CAMTA1: variants seen among roughly 807,000 people sequenced by gnomAD.
CAMTA1 encodes calmodulin binding transcription activator 1.
A neutral mutation model predicts 170.9 loss-of-function variants in CAMTA1; 27 were observed. The observed-to-expected ratio is 0.16, with a 90% CI of 0.12 to 0.22. The LOEUF is 0.22. Among genes scored for constraint, CAMTA1 ranks in the 10% least tolerant of loss-of-function variants. CAMTA1 has a pLI of 1.00. For synonymous variants in CAMTA1, 833 were observed against 891.5 expected (o/e 0.93, Z 1.17); for missense variants, 1,619 against 2,217.2 (o/e 0.73, Z 5.42).
At chr1:6,906,479 C>T (rs1372219811) in intron 3 of CAMTA1, among the ~76,000 whole-genome samples, 1 of 152,182 alleles carries the variant, frequency 6.6e-6, no homozygotes, top group Non-Finnish European at 1.5e-5. Context: ...GGCTCTACCC[C>T]ACTGACACAG....
At chr1:6,951,464 T>C (rs561225381) in intron 3 of CAMTA1, among the ~76,000 whole-genome samples, 1 of 152,304 alleles carries the variant, frequency 6.6e-6, no homozygotes, top group South Asian at 2.1e-4. Flanking sequence ...CTGGCACATA[T>C]TGGATGCAAC....
At position 7,167,328 on chromosome 1, in the gene CAMTA1, C is replaced by T. The variant is rs141666948; in HGVS notation, c.302+75957C>T. Among the ~76,000 whole-genome samples, 799 of 152,200 alleles carry T rather than the reference C, an allele frequency of 5.2e-3. 8 individuals carry two copies. Among genetic ancestry groups the T allele is most frequent in the African/African-American group, 0.018 (764 of 41,516 alleles). Reference sequence around the variant, plus strand: ...GTGTCCCATGCATTGGATGAGTCATCCTTTCCCCAGTGATGTGCATATGTC... The same window carrying T: ...GTGTCCCATGCATTGGATGAGTCATTCTTTCCCCAGTGATGTGCATATGTC... On this transcript the variant is annotated intron_variant, in intron 4 of 22. Transcript: ENST00000303635.
Position 7,013,898 on chromosome 1 carries a change from C to T in CAMTA1, c.235-77406C>T, listed in dbSNP as rs55812443. Among the ~76,000 whole-genome samples, 609 of 152,346 alleles carry T rather than the reference C, an allele frequency of 4.0e-3. 4 individuals are homozygous for T. Among genetic ancestry groups the T allele is most frequent in the African/African-American group, 0.014 (584 of 41,592 alleles). On this transcript the variant is annotated intron_variant, in intron 3 of 22. Transcript: ENST00000303635. ...TGTGACTCCTCTTCTTCAACCCCAA[C>T]GACAAGCAGCCAGCTGAGAGCCTCC...
At chr1:6,914,068 A>G (rs1162052768) in intron 3 of CAMTA1, among the ~76,000 whole-genome samples, 2 of 148,258 alleles carry the variant, frequency 1.3e-5, no homozygotes, top group Non-Finnish European at 3.0e-5. Context: ...CCTCCCTCAC[A>G]TTAATGTAGG....
intron 4 of CAMTA1, among the ~76,000 whole-genome samples, chr1:7,179,564 C>T (rs1395377439): frequency 6.6e-6 from 1 of 151,972 alleles, no homozygotes. Flanking sequence ...ACTTTCTAAC[C>T]ACGGTGCACT....
In CAMTA1 at chr1:7,398,187, CTCTCTCTATATATATATATATATA is replaced by C. The variant is rs758209111; in HGVS notation, c.439-69641_439-69618del. Among the ~76,000 whole-genome samples the C allele has an allele frequency of 5.7e-3, 218 of 38,194 alleles. 3 individuals carry two copies. The highest frequency in any genetic ancestry group is 0.012 in the Middle Eastern group (1 of 82). The allele number at this position is 38,194 out of a possible 152,430, so 25.1% of individuals were successfully genotyped here. ...TCTCTCTCTCTCTCTCTCTCTCTCTCTCTCTCTATATATATATATATATATATATATATATATATATATATATAT... is the reference window on the plus strand; with the variant it reads ...TCTCTCTCTCTCTCTCTCTCTCTCTCTATATATATATATATATATATATAT... On this transcript the variant is annotated intron_variant, in intron 5 of 22. Transcript: ENST00000303635.
rs145550932 is a variant in CAMTA1 at position 7,677,695 on chromosome 1, C to G, written c.2876C>G (p.Thr959Arg). The stretch of plus-strand genomic sequence containing the variant: ...GAGTACAAAGCCCGGGCTCTGCCCA[C>G]GCTCCCTTCCTCCCAGCACGACTGG... ...VFEYKARALP[T>R]LPSSQHDWLS... Residue 959 changes from threonine to arginine, a missense_variant, in exon 11 of 23, where the codon ACG (threonine) becomes AGG (arginine). By Grantham distance (71) the Thr-to-Arg change is moderately conservative (BLOSUM62 -1). This residue lies in a region of CAMTA1 where 143 missense variants were observed against 184.2 expected (regional missense o/e 0.78). Coordinates refer to ENST00000303635, the MANE Select transcript of CAMTA1 (RefSeq NM_015215.4). 6.2e-7 allele frequency: 1 copy of G among 1,614,144 alleles called. No homozygotes were observed. Among genetic ancestry groups the G allele is most frequent in the East Asian group, 2.2e-5 (1 of 44,876 alleles).
At chr1:7,139,889 A>C (rs1266406113) in intron 4 of CAMTA1, among the ~76,000 whole-genome samples, 2 of 152,212 alleles carry the variant, frequency 1.3e-5, no homozygotes, top group Admixed American at 1.3e-4. Context: ...CATCAGGGAA[A>C]GTGGCTGGCT....
intron 11 of CAMTA1, among the ~76,000 whole-genome samples, chr1:7,721,687 A>G (rs2096650719): frequency 6.6e-6 from 1 of 152,096 alleles, no homozygotes; most frequent in Non-Finnish European, 1.5e-5. Context: ...TTTACATTTT[A>G]TTTTGTATGT....
intron 3 of CAMTA1, among the ~76,000 whole-genome samples, chr1:6,996,034 C>T (rs1018839411): frequency 2.6e-5 from 4 of 152,188 alleles, no homozygotes; most frequent in Non-Finnish European, 2.9e-5. Flanking sequence ...GGTTGGTTTG[C>T]ACATGAAAGG....
chr1:7,571,471 A>C (rs2095125213), intron 6 of CAMTA1, among the ~76,000 whole-genome samples: 2 of 151,930 alleles, frequency 1.3e-5, no homozygotes, highest in East Asian at 3.9e-4. Flanking sequence ...TTTTTTTCTG[A>C]TCCTTTCCCT....
chr1:7,640,980 C>G (rs769626702), intron 7 of CAMTA1, among the ~76,000 whole-genome samples: 2 of 152,210 alleles, frequency 1.3e-5, no homozygotes, highest in South Asian at 2.1e-4. Flanking sequence ...GCCACCACCT[C>G]CTGGACTCAG....
chr1:7,222,692 G>A (rs921288001), intron 4 of CAMTA1, among the ~76,000 whole-genome samples: 6 of 152,192 alleles, frequency 3.9e-5, no homozygotes, highest in African/African-American at 1.4e-4. Flanking sequence ...CCTGGAGCAC[G>A]CTCTCTTCTT....
chr1:7,558,905 T>C (rs2094919390), intron 6 of CAMTA1, among the ~76,000 whole-genome samples: 1 of 152,250 alleles, frequency 6.6e-6, no homozygotes, highest in African/African-American at 2.4e-5. Flanking sequence ...AAAAGACCCA[T>C]AATCCTGCAA....
chr1:7,318,789 G>A (rs552273088), intron 5 of CAMTA1, among the ~76,000 whole-genome samples: 48 of 152,320 alleles, frequency 3.2e-4, no homozygotes, highest in African/African-American at 1.1e-3. Context: ...GGTGCCACGC[G>A]TTTTACTCAT....
chr1:7,349,824 C>T (rs970799630), intron 5 of CAMTA1, among the ~76,000 whole-genome samples: 4 of 152,244 alleles, frequency 2.6e-5, no homozygotes, highest in African/African-American at 9.6e-5. Flanking sequence ...ACACAATTCA[C>T]TCCATAACAG....
At chr1:6,923,979 A>G (rs1222690414) in intron 3 of CAMTA1, among the ~76,000 whole-genome samples, 1 of 152,184 alleles carries the variant, frequency 6.6e-6, no homozygotes, top group Non-Finnish European at 1.5e-5. Flanking sequence ...GCCCAAGACC[A>G]TTAGGCTGGT....
chr1:7,496,132 C>G (rs529394486), intron 6 of CAMTA1, among the ~76,000 whole-genome samples: 2 of 152,342 alleles, frequency 1.3e-5, no homozygotes, highest in South Asian at 4.1e-4. Flanking sequence ...AGCTGTGTGG[C>G]CATCCTCTCC....
rs11580834 is a variant in CAMTA1 at position 7,111,897 on chromosome 1, A to T, written c.302+20526A>T. 1.1e-3 allele frequency among the ~76,000 whole-genome samples: 150 copies of T among 132,720 alleles called. 1 individual carries two copies. The highest frequency in any genetic ancestry group is 3.8e-3 in the Middle Eastern group (1 of 262). The allele number at this position is 132,720 out of a possible 152,430, so 87.1% of individuals were successfully genotyped here. The stretch of plus-strand genomic sequence containing the variant: ...AAGACTCCATCTCCAAAAAAAAAAA[A>T]AAAAAAAAAAAAAAACCGAAGACTG... On this transcript the variant is annotated intron_variant, in intron 4 of 22. Coordinates refer to ENST00000303635, the MANE Select transcript of CAMTA1 (RefSeq NM_015215.4).
Sources: gnomAD v4.1 joint callset for allele counts (sites outside exome capture counted in the v4.1 genomes callset) on GRCh38, gnomAD v4.1.1 for gene constraint, gnomAD v4.1.1 regional missense constraint, MANE v1.5 for transcripts, NCBI Gene and HGNC (gene_info 2026-07-23, HGNC 2026-07-21) for gene names.